The following ANKRD24 variants were observed in gnomAD, a reference collection of about 807,000 sequenced individuals.
ANKRD24 encodes ankyrin repeat domain-containing protein 24.
ANKRD24 carries 109 observed loss-of-function variants against 127.8 expected under a neutral mutation model. The ratio of observed to expected loss-of-function variants is 0.85; its 90% CI spans 0.73 to 1.00. The LOEUF is 1.00. Among genes scored for constraint, ANKRD24 ranks in the 50% least tolerant of loss-of-function variants. The pLI is 0.00. For missense variants in ANKRD24, 1,648 were observed against 1,570.2 expected, an observed-to-expected ratio of 1.05 and a Z score of -0.84; for synonymous variants, 743 against 671.1, an observed-to-expected ratio of 1.11 and a Z score of -1.66.
Position 4,216,041 on chromosome 19 carries a change from G to T in ANKRD24, c.1261G>T (p.Asp421Tyr). The change falls in exon 16 of 22, where the codon GAC becomes TAC. Residue 421 changes from aspartate to tyrosine, a missense_variant. Physicochemically the swap from Asp to Tyr is radical, Grantham distance 160. Coordinates refer to ENST00000318934, the MANE Select transcript of ANKRD24 (RefSeq NM_001393985.1). The stretch of plus-strand genomic sequence containing the variant: ...GCAGGATGAGGAGGGTGAGCTGCCT[G>T]ACCTTCCAGGTGAGCCCCCACCTCC... ...TLQDEEGELPDLPGAEVLLSR... is the reference protein window; with the variant it reads ...TLQDEEGELPYLPGAEVLLSR... 1 of 1,597,356 alleles carries T rather than the reference G, an allele frequency of 6.3e-7. No individual in the cohort carries two copies.
At position 4,216,921 on chromosome 19, in the gene ANKRD24, G is replaced by A. The variant is rs373667934; in HGVS notation, c.1761G>A (p.Thr587=). Residue 587 remains threonine (T), a synonymous_variant, in exon 18 of 22, where the codon ACG becomes ACA. Transcript: ENST00000318934. ...MEAEATGAEA[T]GAEATGAKVT... ...CTGAGGCCACGGGAGCCGAGGCCAC[G>A]GGAGCTGAGGCCACAGGAGCCAAGG... is the stretch of plus-strand genomic sequence containing the variant. 2.1e-5 allele frequency: 33 copies of A among 1,609,660 alleles called. No homozygotes were observed. The highest frequency in any genetic ancestry group is 1.1e-4 in the African/African-American group (8 of 74,586).
intron 19 of ANKRD24, among the ~76,000 whole-genome samples, chr19:4,221,257 A>G (rs1444861811): frequency 1.3e-5 from 2 of 151,842 alleles, no homozygotes; most frequent in African/African-American, 2.4e-5. Flanking sequence ...TTGTATTTTT[A>G]GTAGAGACTG....
At position 4,198,177 on chromosome 19, in the gene ANKRD24, C is replaced by G. The variant is rs1260135066; in HGVS notation, c.37-1506C>G. ...GCCTGCGCTGGTGAGGGAGCCGGGC[C>G]CCCGGCGCCGCGTCCTCCTCATCCT... On this transcript the variant is annotated intron_variant, in intron 2 of 21. Transcript: ENST00000318934. The surrounding 1 kb of genome is among the most constrained non-coding windows in gnomAD (Gnocchi z 6.1). 1.8e-6 allele frequency: 1 copy of G among 570,288 alleles called. No individual in the cohort carries two copies. The highest frequency in any genetic ancestry group is 2.0e-5 in the South Asian group (1 of 49,052). The allele number at this position is 570,288 out of a possible 1,614,324, so 35.3% of individuals were successfully genotyped here. A position where few individuals can be genotyped will look rare whatever the true frequency, so the allele number is the denominator to read the frequency against.
At chr19:4,183,468 A>G (rs1338286909) in intron 1 of ANKRD24, 5 of 481,116 alleles carry the variant, frequency 1.0e-5, no homozygotes, top group African/African-American at 4.2e-5. Context: ...GGACACAAAC[A>G]TGTGACCAGG....
intron 2 of ANKRD24, among the ~76,000 whole-genome samples, chr19:4,194,880 G>A (rs1968608532): frequency 1.3e-5 from 2 of 152,130 alleles, no homozygotes; most frequent in Admixed American, 6.5e-5. Context: ...GAGGTGTCAC[G>A]GTGATGCCAG....
chr19:4,207,550 T>A lies in ANKRD24; in HGVS notation c.587T>A (p.Leu196Gln), dbSNP rs1405274468. 1 of 1,613,972 alleles carries A rather than the reference T, an allele frequency of 6.2e-7. No homozygotes were observed. Among genetic ancestry groups the A allele is most frequent in the African/African-American group, 1.3e-5 (1 of 75,058 alleles). ...GCAGCTCAGATGTGTCACACAGACCTGTGCCGTCTCCTACTGCAGCAAGGG... is the reference window on the plus strand; with the variant it reads ...GCAGCTCAGATGTGTCACACAGACCAGTGCCGTCTCCTACTGCAGCAAGGG... ...IIAAQMCHTDLCRLLLQQGAA... is the reference protein window; with the variant it reads ...IIAAQMCHTDQCRLLLQQGAA... Residue 196 changes from leucine (L) to glutamine (Q), a missense_variant, in exon 9 of 22, where the codon CTG becomes CAG. Leu to Gln is a moderately radical substitution (Grantham distance 113, BLOSUM62 -2). Transcript: ENST00000318934.
chr19:4,182,963 A>G (rs1324815788), intron 1 of ANKRD24, among the ~76,000 whole-genome samples: 1 of 42,564 alleles, frequency 2.3e-5, no homozygotes, highest in Non-Finnish European at 6.1e-5. Context: ...TGAATATCTC[A>G]TTTGTGTGTG....
intron 1 of ANKRD24, among the ~76,000 whole-genome samples, chr19:4,183,655 T>A (rs1210220827): frequency 6.6e-6 from 1 of 152,092 alleles, no homozygotes; most frequent in African/African-American, 2.4e-5. Flanking sequence ...GGCTCACACC[T>A]GTAATCCCAG....
intron 20 of ANKRD24, 150 bp downstream of exon 20, chr19:4,222,945 T>G: frequency 1.1e-6 from 1 of 947,258 alleles, no homozygotes; most frequent in Non-Finnish European, 1.4e-6. Context: ...GGCCAGGAAA[T>G]ACTTCCTTTA....
At chr19:4,196,055 G>A (rs974373917) in intron 2 of ANKRD24, among the ~76,000 whole-genome samples, 1 of 152,164 alleles carries the variant, frequency 6.6e-6, no homozygotes, top group African/African-American at 2.4e-5. Flanking sequence ...CTCCTGGTGT[G>A]GAGTGGGTGG....
In ANKRD24 at chr19:4,216,925, G is replaced by C; in HGVS notation, c.1765G>C (p.Ala589Pro). ...GGCCACGGGAGCCGAGGCCACGGGA[G>C]CTGAGGCCACAGGAGCCAAGGTCAC... ...AEATGAEATGAEATGAKVTET... is the reference protein window; with the variant it reads ...AEATGAEATGPEATGAKVTET... The change falls in exon 18 of 22, where the codon GCT (alanine) becomes CCT (proline). Residue 589 changes from alanine (A) to proline (P), a missense_variant. Coordinates refer to ENST00000318934, the MANE Select transcript of ANKRD24 (RefSeq NM_001393985.1). 2 of 1,610,356 alleles carry C rather than the reference G, an allele frequency of 1.2e-6. No individual in the cohort carries two copies. The highest frequency in any genetic ancestry group is 1.7e-6 in the Non-Finnish European group (2 of 1,178,204).
intron 2 of ANKRD24, among the ~76,000 whole-genome samples, chr19:4,194,290 T>C (rs1271442978): frequency 9.9e-5 from 15 of 152,174 alleles, no homozygotes; most frequent in African/African-American, 3.6e-4. Context: ...GCAGCTGGGA[T>C]TACAGGCGTG....
chr19:4,210,164 G>T, intron 12 of ANKRD24, 26 bp downstream of exon 12: 1 of 1,585,680 alleles, frequency 6.3e-7, no homozygotes, highest in African/African-American at 1.3e-5. Context: ...GGCACGGGAG[G>T]AGGCATGGGG....
chr19:4,219,147 A>G (rs1970305358), intron 18 of ANKRD24, among the ~76,000 whole-genome samples: 1 of 151,954 alleles, frequency 6.6e-6, no homozygotes, highest in African/African-American at 2.4e-5. Flanking sequence ...TTAGGTTGGC[A>G]TTGTGGCACG....
chr19:4,212,348 T>G (rs10417017), intron 13 of ANKRD24, 127 bp from the exon 14 acceptor site: 823,362 of 1,086,118 alleles, frequency 0.76, 313,203 homozygotes, highest in African/African-American at 0.84. Flanking sequence ...CGGGCAGAAT[T>G]CAGTAGGTGC....
intron 2 of ANKRD24, among the ~76,000 whole-genome samples, chr19:4,191,780 C>T (rs1968401855): frequency 7.5e-6 from 1 of 133,752 alleles, no homozygotes; most frequent in Non-Finnish European, 1.6e-5. Flanking sequence ...CCGTCCCCAG[C>T]CTATTTATTT....
At position 4,209,425 on chromosome 19, in the gene ANKRD24, TTTTTG is replaced by T. The variant is rs1227737233; in HGVS notation, c.870+627_871-626del. On this transcript the variant is annotated intron_variant, in intron 11 of 21. Transcript: ENST00000318934. ...GCGCGACCCCTCTCCTAGTTTTTTT[TTTTTG>T]TTGTTGTTGTTGTTTGTTTGTTTTG... 6.1e-5 allele frequency among the ~76,000 whole-genome samples: 9 copies of T among 148,152 alleles called. No homozygotes were observed. The East Asian group carries it at 1.2e-3, about 20-fold the overall frequency.
At position 4,217,220 on chromosome 19, in the gene ANKRD24, T is replaced by A. The variant is rs766819030; in HGVS notation, c.2060T>A (p.Val687Asp). The change falls in exon 18 of 22, where the codon GTC becomes GAC. Residue 687 changes from valine (V) to aspartate (D), a missense_variant. Physicochemically the swap from Val to Asp is radical, Grantham distance 152. Coordinates refer to ENST00000318934, the MANE Select transcript of ANKRD24 (RefSeq NM_001393985.1). ...GCCACAGGGATGGAATCCACAGGAGTCAGTGCCACAGGTGTGGAGAACCCA... is the reference window on the plus strand; with the variant it reads ...GCCACAGGGATGGAATCCACAGGAGACAGTGCCACAGGTGTGGAGAACCCA... ...SRATGMESTG[V>D]SATGVENPGV... 1.2e-5 allele frequency: 20 copies of A among 1,600,890 alleles called. No homozygotes were observed. Among genetic ancestry groups the A allele is most frequent in the Non-Finnish European group, 1.7e-5 (20 of 1,173,840 alleles).
intron 5 of ANKRD24, among the ~76,000 whole-genome samples, chr19:4,200,493 A>G (rs571855117): frequency 2.6e-5 from 4 of 151,888 alleles, no homozygotes; most frequent in South Asian, 4.2e-4. Context: ...GATAGCTGCA[A>G]AGTTTCTGGG....
Sources: allele counts gnomAD v4.1 joint callset (sites outside exome capture counted in the v4.1 genomes callset), GRCh38; gene constraint gnomAD v4.1.1; non-coding constraint Gnocchi (gnomAD v3.1); transcripts MANE v1.5; gene names NCBI Gene and HGNC (gene_info 2026-07-23, HGNC 2026-07-21).